ACSL3: variants seen among roughly 807,000 people sequenced by gnomAD.
ACSL3 encodes acyl-CoA synthetase long chain family member 3.
Under a neutral mutation model 84.7 loss-of-function variants are expected in ACSL3, and 34 were observed. The ratio of observed to expected loss-of-function variants is 0.40; its 90% CI spans 0.31 to 0.53. The LOEUF (loss-of-function observed/expected upper bound fraction) is 0.53. ACSL3 is among the 20% of genes least tolerant of loss of function. The pLI, the probability that ACSL3 is intolerant of heterozygous loss-of-function variation, is 0.48. For synonymous variants in ACSL3, 315 were observed against 299.4 expected, an observed-to-expected ratio of 1.05 and a Z score of -0.54; for missense variants, 680 against 873.1, an observed-to-expected ratio of 0.78 and a Z score of 2.79.
chr2:222,891,265 T>A (rs540451658), intron 2 of ACSL3, among the ~76,000 whole-genome samples: 1 of 152,308 alleles, frequency 6.6e-6, no homozygotes, highest in South Asian at 2.1e-4. Flanking sequence ...TTAATCAGTT[T>A]TGGGAACCCT....
At chr2:222,923,743 G>A (rs1219646756) in intron 10 of ACSL3, among the ~76,000 whole-genome samples, 4 of 152,044 alleles carry the variant, frequency 2.6e-5, no homozygotes, top group South Asian at 2.1e-4. Context: ...AAATGCTTAC[G>A]TCAAGAATAA....
intron 16 of ACSL3, among the ~76,000 whole-genome samples, chr2:222,941,130 A>G (rs189534061): frequency 6.6e-5 from 10 of 152,150 alleles, no homozygotes; most frequent in East Asian, 1.9e-4. Context: ...AGGTCTCGCT[A>G]TGTTACCGAG....
intron 3 of ACSL3, chr2:222,904,956 G>A (rs773781842): frequency 6.5e-6 from 1 of 153,174 alleles, no homozygotes; most frequent in Non-Finnish European, 1.5e-5. Flanking sequence ...GAATAAGGGG[G>A]GTCTGAGGTG....
chr2:222,934,660 AAAG>A lies in ACSL3; in HGVS notation c.1979_1981del (p.Lys660_Val661delinsMet). On this transcript the variant is annotated inframe_deletion, in exon 16 of 17. Coordinates refer to ENST00000357430, the MANE Select transcript of ACSL3 (RefSeq NM_004457.5). ...TTGTGAAATGGAAAATGAGGTACTT[AAAG>A]TGCTTTCCGAAGCTGCTATTTCAGG... The A allele has an allele frequency of 6.2e-7, 1 of 1,608,216 alleles. No homozygotes were observed. The highest frequency in any genetic ancestry group is 1.7e-5 in the Admixed American group (1 of 59,108).
intron 4 of ACSL3, among the ~76,000 whole-genome samples, chr2:222,914,390 G>C (rs1696523078): frequency 6.6e-6 from 1 of 151,824 alleles, no homozygotes; most frequent in African/African-American, 2.4e-5. Flanking sequence ...CAGCCTCCTA[G>C]GTAGCTGGGA....
intron 1 of ACSL3, among the ~76,000 whole-genome samples, chr2:222,886,308 T>G (rs1207316283): frequency 6.6e-6 from 1 of 152,198 alleles, no homozygotes; most frequent in Non-Finnish European, 1.5e-5. Flanking sequence ...CTCCCACTTA[T>G]GAGTGAGAGA....
chr2:222,919,031 T>C (rs370080501), intron 6 of ACSL3, 33 bp from the exon 7 acceptor site: 2 of 1,608,358 alleles, frequency 1.2e-6, no homozygotes, highest in African/African-American at 1.3e-5. Context: ...GCTTGAAAAA[T>C]AATGAACGTG....
At position 222,930,604 on chromosome 2, in the gene ACSL3, A is replaced by G. The variant is rs1473904071; in HGVS notation, c.1541-17A>G. The G allele has an allele frequency of 3.8e-6, 6 of 1,561,314 alleles. No individual in the cohort carries two copies. The Admixed American group carries it at 9.7e-5, about 25-fold the overall frequency. On this transcript the variant is annotated splice_polypyrimidine_tract_variant and intron_variant, in intron 13 of 16. Transcript: ENST00000357430. ...TTGTATTTAACTCAACTATTAACTC[A>G]ATTATTATTTTATTAGGTGGATACT...
intron 1 of ACSL3, among the ~76,000 whole-genome samples, chr2:222,879,622 C>CCATT (rs1490745752): frequency 2.0e-5 from 3 of 152,210 alleles, no homozygotes; most frequent in African/African-American, 7.2e-5. Flanking sequence ...CTCTCCAATT[C>CCATT]CATACCCCAT....
chr2:222,926,403 A>AT (rs958368270), intron 11 of ACSL3, among the ~76,000 whole-genome samples: 88 of 148,600 alleles, frequency 5.9e-4, no homozygotes, highest in African/African-American at 1.5e-3. Context: ...TTTTGCAAAG[A>AT]TTTTTTTTTT....
intron 7 of ACSL3, chr2:222,920,897 T>G (rs1696716060): frequency 2.2e-6 from 1 of 452,610 alleles, no homozygotes; most frequent in African/African-American, 2.1e-5. Context: ...TTTGCTTATT[T>G]CCTTCTAATT....
intron 3 of ACSL3, among the ~76,000 whole-genome samples, chr2:222,905,824 C>A (rs550259598): frequency 6.6e-6 from 1 of 150,948 alleles, no homozygotes; most frequent in Non-Finnish European, 1.5e-5. Context: ...CTTGTAAAAT[C>A]GATTTGGATT....
intron 7 of ACSL3, among the ~76,000 whole-genome samples, chr2:222,920,374 C>A (rs1696700213): frequency 6.6e-6 from 1 of 152,142 alleles, no homozygotes; most frequent in South Asian, 2.1e-4. Flanking sequence ...CCAACCATGA[C>A]CTATTTCTCT....
intron 1 of ACSL3, among the ~76,000 whole-genome samples, chr2:222,882,157 A>G (rs1401018965): frequency 6.6e-6 from 1 of 152,228 alleles, no homozygotes; most frequent in African/African-American, 2.4e-5. Flanking sequence ...ATATATGCAC[A>G]TGATTGAGGA....
chr2:222,908,652 AT>A (rs1696359112), intron 3 of ACSL3, 80 bp from the exon 4 acceptor site: 3 of 987,778 alleles, frequency 3.0e-6, no homozygotes, highest in African/African-American at 3.4e-5. Context: ...AAAAAAAAAA[AT>A]CTTCATTTGC....
At chr2:222,901,838 G>T (rs578120218) in intron 3 of ACSL3, among the ~76,000 whole-genome samples, 1 of 151,444 alleles carries the variant, frequency 6.6e-6, no homozygotes, top group Non-Finnish European at 1.5e-5. Flanking sequence ...TCAGCTACTC[G>T]GGAGGCTGAG....
rs11331027 is a variant in ACSL3, at chr2:222,943,085, C to CA, written c.*1445dup. On this transcript the variant is annotated 3_prime_UTR_variant, in exon 17 of 17. Transcript: ENST00000357430. ...ACTGTAGGCATCAAAAGGCAAAAAT[C>CA]AAAAAAAAAAAAAACAAAAACAAAA... The CA allele has an allele frequency of 2.9e-3, 555 of 188,732 alleles. 2 individuals carry two copies. The highest frequency in any genetic ancestry group is 4.4e-3 in the African/African-American group (176 of 40,172). 11.7% of individuals were successfully genotyped at this position (188,732 alleles called of 1,614,324 possible).
In ACSL3 at chr2:222,901,964, A is replaced by AAAAAAAAAAAAAAAAAAAAAAAATG. The variant is rs57522671; in HGVS notation, c.-41+1184_-41+1185insAAAAAAAAAAAAAAAAAAAAAAATG. Among the ~76,000 whole-genome samples, 2 of 99,456 alleles carry AAAAAAAAAAAAAAAAAAAAAAAATG rather than the reference A, an allele frequency of 2.0e-5. 1 individual carries two copies. Among genetic ancestry groups the AAAAAAAAAAAAAAAAAAAAAAAATG allele is most frequent in the African/African-American group, 8.1e-5 (2 of 24,624 alleles). 65.2% of individuals were successfully genotyped at this position (99,456 alleles called of 152,430 possible). A position where few individuals can be genotyped will look rare whatever the true frequency, so the allele number is the denominator to read the frequency against. On this transcript the variant is annotated intron_variant, in intron 3 of 16. Transcript: ENST00000357430. ...GTCTCAAAAAAAAAAAAAAAAAAAA[A>AAAAAAAAAAAAAAAAAAAAAAAATG]GAACTCAAATATTGTTGAGGTAGCA...
chr2:222,911,341 G>A (rs879547314), intron 4 of ACSL3, among the ~76,000 whole-genome samples: 15 of 152,294 alleles, frequency 9.8e-5, no homozygotes, highest in South Asian at 2.1e-4. Flanking sequence ...GAGCCACAGC[G>A]CCCAACCAGC....
Sources: allele counts gnomAD v4.1 joint callset (sites outside exome capture counted in the v4.1 genomes callset), GRCh38; gene constraint gnomAD v4.1.1; transcripts MANE v1.5; gene names NCBI Gene and HGNC (gene_info 2026-07-23, HGNC 2026-07-21).